Variants in GPR143 observed in about 807,000 individuals in gnomAD.
GPR143 encodes the protein G-protein coupled receptor 143.
In GPR143, 8 loss-of-function variants were observed where a neutral mutation model predicts 27.6. The ratio of observed to expected loss-of-function variants is 0.29; its 90% CI spans 0.17 to 0.52. GPR143 has a LOEUF of 0.52. Ranked by LOEUF, GPR143 falls within the 20% of genes least tolerant of loss-of-function variation. The pLI is 0.96. For missense variants in GPR143, 303 were observed against 343.1 expected, an observed-to-expected ratio of 0.88 and a Z score of 0.92; for synonymous variants, 156 against 153.2, an observed-to-expected ratio of 1.02 and a Z score of -0.13.
chrX:9,745,754 G>A, intron 5 of GPR143, among the ~76,000 whole-genome samples: 1 of 111,699 alleles, frequency 9.0e-6, no homozygotes, highest in Non-Finnish European at 1.9e-5. Flanking sequence ...TCGTCCAAGG[G>A]CACTCCTGCA....
chrX:9,770,241 G>A (rs1219273590), upstream of GPR143, among the ~76,000 whole-genome samples: 4 of 102,449 alleles, frequency 3.9e-5, no homozygotes, highest in South Asian at 4.9e-4. Context: ...GGAGGCTGAG[G>A]CGGGCAGATC....
Position 9,759,338 on chromosome X carries a change from C to T in GPR143, c.449G>A (p.Gly150Glu). The change falls in exon 3 of 9, where the codon GGA becomes GAA. Residue 150 changes from glycine (G) to glutamate (E), a missense_variant. By Grantham distance (98) the Gly-to-Glu change is moderately conservative. Transcript: ENST00000467482. The stretch of plus-strand genomic sequence containing the variant: ...CCATTTCCTCGGTGAATACCTCAGT[C>T]CTGCCGATCTCCGGATCACCAGATA... ...DAYLVIRRSA[G>E]LSTILLYHIM... 8.6e-7 allele frequency: 1 copy of T among 1,168,347 alleles called. No individual in the cohort carries two copies. Among genetic ancestry groups the T allele is most frequent in the South Asian group, 1.8e-5 (1 of 54,278 alleles).
upstream of GPR143, among the ~76,000 whole-genome samples, chrX:9,769,081 T>C (rs2083544800): frequency 8.9e-6 from 1 of 111,996 alleles, no homozygotes; most frequent in Non-Finnish European, 1.9e-5. Flanking sequence ...GTTTCGTAGA[T>C]ATGGGAGATA....
At chrX:9,747,424 T>C (rs552788771) in intron 4 of GPR143, among the ~76,000 whole-genome samples, 11 of 111,440 alleles carry the variant, frequency 9.9e-5, no homozygotes, top group Middle Eastern at 4.6e-3. Flanking sequence ...GATGCAACTT[T>C]GCCAGGAGTC....
chrX:9,773,048 A>G (rs188488141), intron 1 of GPR143, among the ~76,000 whole-genome samples: 136 of 111,035 alleles, frequency 1.2e-3, no homozygotes, highest in Non-Finnish European at 1.9e-3. Context: ...GGACGAGTAC[A>G]GACTATTAAA....
chrX:9,725,804 C>T lies in GPR143; in HGVS notation c.1157G>A (p.Ser386Asn), dbSNP rs770745735. The change falls in exon 9 of 9, where the codon AGT becomes AAT. Residue 386 changes from serine to asparagine, a missense_variant. Physicochemically the swap from Ser to Asn is conservative, Grantham distance 46. Transcript: ENST00000467482. Reference protein sequence around the residue: ...DASTIEIHTASESCNKNEGDP... With the variant: ...DASTIEIHTANESCNKNEGDP... Reference sequence around the variant, plus strand: ...ACCCTCATTTTTGTTGCAGGATTCACTTGCAGTGTGAATTTCAATTGTGCT... The same window carrying T: ...ACCCTCATTTTTGTTGCAGGATTCATTTGCAGTGTGAATTTCAATTGTGCT... 1.7e-5 allele frequency: 20 copies of T among 1,210,300 alleles called. No individual in the cohort carries two copies. The highest frequency in any genetic ancestry group is 2.2e-5 in the Admixed American group (1 of 45,948).
In GPR143 at chrX:9,743,558, AGG is replaced by A. The variant is rs748390996; in HGVS notation, c.767+5_767+6del. On this transcript the variant is annotated splice_donor_5th_base_variant and intron_variant, in intron 6 of 8. Transcript: ENST00000467482. Reference sequence around the variant, plus strand: ...ATAAAAATACACATATATAGAAGAAAGGTTACCAAATAATTAAAACCAGCATG... The same window carrying A: ...ATAAAAATACACATATATAGAAGAAATTACCAAATAATTAAAACCAGCATG... 18 of 1,024,792 alleles carry A rather than the reference AGG, an allele frequency of 1.8e-5. No individual in the cohort carries two copies. In the African/African-American group the frequency reaches 3.0e-4, roughly 17 times the overall value. The allele number at this position is 1,024,792 out of a possible 1,213,427, so 84.5% of individuals were successfully genotyped here. A position where few individuals can be genotyped will look rare whatever the true frequency, so the allele number is the denominator to read the frequency against.
At chrX:9,728,268 G>A (rs918196359) in intron 8 of GPR143, among the ~76,000 whole-genome samples, 5 of 110,420 alleles carry the variant, frequency 4.5e-5, no homozygotes, top group African/African-American at 1.3e-4. Flanking sequence ...TCACATAGGT[G>A]CCTTGACAGC....
In GPR143 at chrX:9,765,744, T is replaced by C; in HGVS notation, c.74A>G (p.Gln25Arg). 2.7e-6 allele frequency: 3 copies of C among 1,125,070 alleles called. No homozygotes were observed. Among genetic ancestry groups the C allele is most frequent in the Non-Finnish European group, 3.5e-6 (3 of 857,711 alleles). 92.7% of individuals were successfully genotyped at this position (1,125,070 alleles called of 1,213,427 possible). A position where few individuals can be genotyped will look rare whatever the true frequency, so the allele number is the denominator to read the frequency against. Residue 25 changes from glutamine (Q) to arginine (R), a missense_variant, in exon 1 of 9, where the codon CAG becomes CGG. Transcript: ENST00000467482. ...DAATQLVLSF[Q>R]PRAFHALCLG... ...GCAGAGCGCGTGGAAGGCCCGCGGC[T>C]GGAAGCTCAGCACGAGCTGCGTGGC...
Position 9,765,799 on chromosome X carries a change from C to A in GPR143, c.19G>T (p.Gly7Trp). 8.9e-7 allele frequency: 1 copy of A among 1,119,878 alleles called. No homozygotes were observed. The highest frequency in any genetic ancestry group is 1.2e-6 in the Non-Finnish European group (1 of 854,453). The allele number at this position is 1,119,878 out of a possible 1,213,427, so 92.3% of individuals were successfully genotyped here. A position where few individuals can be genotyped will look rare whatever the true frequency, so the allele number is the denominator to read the frequency against. MASPRL[G>W]TFCCPTRDAA... ...TCCCGCGTGGGGCAGCAGAAGGTCC[C>A]TAGGCGCGGGGAGGCCATGGGCTGT... The change falls in exon 1 of 9, where the codon GGG (glycine) becomes TGG (tryptophan). Residue 7 changes from glycine (G) to tryptophan (W), a missense_variant. Gly to Trp is a radical substitution (Grantham distance 184). Coordinates refer to ENST00000467482, the MANE Select transcript of GPR143 (RefSeq NM_000273.3).
chrX:9,731,966 C>G (rs957797135), intron 8 of GPR143, among the ~76,000 whole-genome samples: 9 of 110,347 alleles, frequency 8.2e-5, no homozygotes, highest in Non-Finnish European at 1.5e-4. Context: ...GAAATTATGG[C>G]AGAAAATGAA....
rs559999571 is a variant in GPR143, at chrX:9,743,322, G to A, written c.767+243C>T. On this transcript the variant is annotated intron_variant, in intron 6 of 8. Coordinates refer to ENST00000467482, the MANE Select transcript of GPR143 (RefSeq NM_000273.3). ...ATTTCAAAACTAAACTTGGGTGTTC[G>A]TTTTCTAAGGGCTTTATATATAATT... 1.3e-4 allele frequency among the ~76,000 whole-genome samples: 14 copies of A among 108,883 alleles called. No homozygotes were observed. In the South Asian group the frequency reaches 5.6e-3, roughly 44 times the overall value. 94.6% of individuals were successfully genotyped at this position (108,883 alleles called of 115,157 possible).
intron 3 of GPR143, among the ~76,000 whole-genome samples, chrX:9,753,238 G>C (rs2083459082): frequency 9.1e-6 from 1 of 110,047 alleles, no homozygotes; most frequent in African/African-American, 3.3e-5. Context: ...GGTGCCTGTA[G>C]TCCCAGCTAC....
At chrX:9,771,447 C>T (rs1011543914) in intron 1 of GPR143, among the ~76,000 whole-genome samples, 1 of 110,774 alleles carries the variant, frequency 9.0e-6, no homozygotes, top group Non-Finnish European at 1.9e-5. Context: ...TGTGCATTCG[C>T]GTGCAGATCT....
At chrX:9,749,644 G>A (rs1250759595) in intron 3 of GPR143, among the ~76,000 whole-genome samples, 1 of 112,377 alleles carries the variant, frequency 8.9e-6, no homozygotes, top group Non-Finnish European at 1.9e-5. Flanking sequence ...TTAATATTCT[G>A]TTGAGGCAGT....
At chrX:9,727,184 C>G (rs991222601) in intron 8 of GPR143, among the ~76,000 whole-genome samples, 19 of 113,170 alleles carry the variant, frequency 1.7e-4, no homozygotes, top group African/African-American at 5.4e-4. Flanking sequence ...CTGAATAATG[C>G]CTTTTAACCA....
At chrX:9,762,673 C>A (rs768441008) in intron 1 of GPR143, among the ~76,000 whole-genome samples, 2 of 111,967 alleles carry the variant, frequency 1.8e-5, no homozygotes, top group Non-Finnish European at 3.8e-5. Context: ...CTAAAAAGCT[C>A]AAGACATCTT....
chrX:9,748,322 G>A (rs2083437160), intron 4 of GPR143, among the ~76,000 whole-genome samples: 1 of 112,812 alleles, frequency 8.9e-6, no homozygotes, highest in Admixed American at 9.3e-5. Context: ...TTGCCTACAT[G>A]CTTGTGTGCA....
chrX:9,774,184 T>C (rs1259791284), intron 1 of GPR143, among the ~76,000 whole-genome samples: 1 of 111,764 alleles, frequency 8.9e-6, no homozygotes, highest in Non-Finnish European at 1.9e-5. Context: ...TGAAATGATG[T>C]CCCGAATGTA....
Sources: gnomAD v4.1 joint callset for allele counts (sites outside exome capture counted in the v4.1 genomes callset) on GRCh38, gnomAD v4.1.1 for gene constraint, MANE v1.5 for transcripts, NCBI Gene and HGNC (gene_info 2026-07-23, HGNC 2026-07-21) for gene names.